The following ADAM32 variants were observed in gnomAD, a reference collection of about 807,000 sequenced individuals.
The protein encoded by ADAM32 is ADAM metallopeptidase domain 32, also known as disintegrin and metalloproteinase domain-containing protein 32.
ADAM32 carries 89 observed loss-of-function variants against 114.9 expected under a neutral mutation model. The ratio of observed to expected loss-of-function variants is 0.77; its 90% CI spans 0.65 to 0.92. The LOEUF (loss-of-function observed/expected upper bound fraction) is 0.92. Ranked by LOEUF, ADAM32 falls within the 40% of genes least tolerant of loss-of-function variation. The probability of loss-of-function intolerance (pLI) is 0.00; values close to 1 mark genes in which losing one functional copy is unlikely to be tolerated. For synonymous variants in ADAM32, 285 were observed against 307.5 expected (o/e 0.93, Z 0.77); for missense variants, 870 against 932.8 (o/e 0.93, Z 0.88).
chr8:39,238,644 A>G (rs1810355481), intron 16 of ADAM32, among the ~76,000 whole-genome samples: 1 of 152,262 alleles, frequency 6.6e-6, no homozygotes, highest in East Asian at 1.9e-4. Flanking sequence ...AGGAGGCACC[A>G]GAGAAAGGTG....
intron 3 of ADAM32, among the ~76,000 whole-genome samples, chr8:39,137,648 G>A (rs1221072768): frequency 6.6e-6 from 1 of 151,892 alleles, no homozygotes; most frequent in African/African-American, 2.4e-5. Context: ...GCGTGCGCCT[G>A]TAATCCCAGC....
At chr8:39,214,971 G>A (rs1333442406) in intron 12 of ADAM32, among the ~76,000 whole-genome samples, 1 of 151,866 alleles carries the variant, frequency 6.6e-6, no homozygotes, top group Admixed American at 6.6e-5. Flanking sequence ...TATGTTCTGG[G>A]CACCTTTGTC....
At position 39,164,799 on chromosome 8, in the gene ADAM32, A is replaced by G. The variant is rs1194183584; in HGVS notation, c.630A>G (p.Thr210=). 6.2e-7 allele frequency: 1 copy of G among 1,608,246 alleles called. No homozygotes were observed. The highest frequency in any genetic ancestry group is 8.5e-7 in the Non-Finnish European group (1 of 1,177,200). ...GGGGCTCTGATAGCATGATAGTAAC[A>G]AATAAAGTCATCGAAATTGTTGGCC... The part of the protein sequence containing the change: ...DYWGSDSMIV[T]NKVIEIVGLA... The change falls in exon 8 of 25, where the codon ACA becomes ACG. Residue 210 remains threonine, a synonymous_variant. Coordinates refer to ENST00000379907, the MANE Select transcript of ADAM32 (RefSeq NM_145004.7).
At chr8:39,171,288 A>G (rs1341041020) in intron 10 of ADAM32, among the ~76,000 whole-genome samples, 1 of 152,114 alleles carries the variant, frequency 6.6e-6, no homozygotes, top group Non-Finnish European at 1.5e-5. Flanking sequence ...ATAATTAACA[A>G]TAATTTATAG....
intron 6 of ADAM32, chr8:39,158,449 C>A: frequency 4.7e-6 from 1 of 212,258 alleles, no homozygotes; most frequent in Non-Finnish European, 9.4e-6. Flanking sequence ...TGCCTACTAC[C>A]ACCATGGGCA....
intron 6 of ADAM32, among the ~76,000 whole-genome samples, chr8:39,155,524 A>T (rs183261254): frequency 6.6e-6 from 1 of 152,186 alleles, no homozygotes; most frequent in African/African-American, 2.4e-5. Flanking sequence ...TAGTCAATGG[A>T]TGGATTAATT....
chr8:39,220,331 G>C (rs998003427), intron 12 of ADAM32, among the ~76,000 whole-genome samples: 2 of 152,068 alleles, frequency 1.3e-5, no homozygotes, highest in Admixed American at 1.3e-4. Flanking sequence ...TACTGGCTTT[G>C]TTACATATAA....
intron 1 of ADAM32, among the ~76,000 whole-genome samples, chr8:39,112,373 C>T (rs1268430853): frequency 6.6e-6 from 1 of 152,108 alleles, no homozygotes; most frequent in Non-Finnish European, 1.5e-5. Context: ...GATCTTTTCA[C>T]TTGTGATATC....
chr8:39,193,624 T>C (rs1340368327), intron 11 of ADAM32, among the ~76,000 whole-genome samples: 1 of 152,212 alleles, frequency 6.6e-6, no homozygotes, highest in Non-Finnish European at 1.5e-5. Flanking sequence ...CTCATCTTTG[T>C]GGGCTGGTGT....
At chr8:39,245,010 C>A (rs1172313066) in intron 16 of ADAM32, among the ~76,000 whole-genome samples, 3 of 152,026 alleles carry the variant, frequency 2.0e-5, no homozygotes, top group Admixed American at 2.0e-4. Flanking sequence ...ATAGATGGGA[C>A]TTAATTAAAC....
intron 11 of ADAM32, among the ~76,000 whole-genome samples, chr8:39,200,464 G>C (rs535163378): frequency 6.6e-6 from 1 of 152,238 alleles, no homozygotes; most frequent in South Asian, 2.1e-4. Flanking sequence ...ACTTTTTGAT[G>C]GGGTTGTTTG....
chr8:39,234,035 C>A lies in ADAM32; in HGVS notation c.1771C>A (p.Pro591Thr), dbSNP rs1380071454. Residue 591 changes from proline to threonine, a missense_variant, in exon 16 of 25, where the codon CCA (proline) becomes ACA (threonine). Pro to Thr is a conservative substitution (Grantham distance 38, BLOSUM62 -1). Transcript: ENST00000379907. ...AGACTACAAATTGCCTCGAACAGTT[C>A]CAGATCCACTGGCTGTCAAAAATGG... ...TVDYKLPRTV[P>T]DPLAVKNGSQ... 6.6e-7 allele frequency: 1 copy of A among 1,513,298 alleles called. No individual in the cohort carries two copies. The allele number at this position is 1,513,298 out of a possible 1,614,324, so 93.7% of individuals were successfully genotyped here.
intron 1 of ADAM32, among the ~76,000 whole-genome samples, chr8:39,110,733 C>T (rs1840123129): frequency 6.6e-6 from 1 of 152,176 alleles, no homozygotes; most frequent in African/African-American, 2.4e-5. Flanking sequence ...GCAAGAAATC[C>T]TGGCTGTCTT....
At chr8:39,277,925 G>A (rs1192193875) in intron 22 of ADAM32, among the ~76,000 whole-genome samples, 1 of 152,246 alleles carries the variant, frequency 6.6e-6, no homozygotes, top group Non-Finnish European at 1.5e-5. Flanking sequence ...ATCTCCACCA[G>A]TGAGGGCGAA....
chr8:39,107,624 G>A (rs1177607735), upstream of ADAM32: 2 of 1,470,876 alleles, frequency 1.4e-6, no homozygotes, highest in East Asian at 5.2e-5. Context: ...TGTTCCGGAC[G>A]CTAAACACCG....
intron 6 of ADAM32, 84 bp downstream of exon 6, chr8:39,151,632 C>A (rs1024883898): frequency 3.0e-6 from 3 of 985,004 alleles, no homozygotes; most frequent in Non-Finnish European, 4.2e-6. Flanking sequence ...TATAAGCCCA[C>A]TGTAGAATTG....
chr8:39,247,685 T>C (rs530780312), intron 17 of ADAM32, among the ~76,000 whole-genome samples: 2 of 152,070 alleles, frequency 1.3e-5, no homozygotes, highest in Non-Finnish European at 2.9e-5. Context: ...AATGTTTTAA[T>C]TTTATGAGGC....
chr8:39,241,156 C>T (rs1012423106), intron 16 of ADAM32, among the ~76,000 whole-genome samples: 2 of 152,232 alleles, frequency 1.3e-5, no homozygotes, highest in African/African-American at 2.4e-5. Context: ...CCTTTGACTC[C>T]ATGTCTCACA....
chr8:39,229,816 G>C (rs1585594763), intron 14 of ADAM32, among the ~76,000 whole-genome samples: 2 of 152,002 alleles, frequency 1.3e-5, no homozygotes, highest in African/African-American at 4.8e-5. Context: ...ACAAGCAATG[G>C]ATTTAAACTA....
Sources: allele counts gnomAD v4.1 joint callset (sites outside exome capture counted in the v4.1 genomes callset), GRCh38; gene constraint gnomAD v4.1.1; transcripts MANE v1.5; gene names NCBI Gene and HGNC (gene_info 2026-07-23, HGNC 2026-07-21).